FIGN: variants seen among roughly 807,000 people sequenced by gnomAD.
FIGN encodes fidgetin.
A neutral mutation model predicts 51.3 loss-of-function variants in FIGN; 11 were observed. The observed-to-expected ratio is 0.21, with a 90% CI of 0.13 to 0.35. FIGN has a LOEUF of 0.35. FIGN is among the 10% of genes least tolerant of loss of function. The probability of loss-of-function intolerance (pLI) is 1.00; values close to 1 mark genes in which losing one functional copy is unlikely to be tolerated. For missense variants in FIGN, 857 were observed against 943.6 expected (o/e 0.91, Z 1.20); for synonymous variants, 407 against 363.2 (o/e 1.12, Z -1.37).
chr2:163,732,735 C>CT (rs1477723963), intron 2 of FIGN, among the ~76,000 whole-genome samples: 3 of 152,140 alleles, frequency 2.0e-5, no homozygotes, highest in East Asian at 1.9e-4. Context: ...AATATCCTTG[C>CT]TTTTTTTCTG....
At chr2:163,681,062 G>C (rs751830697) in intron 2 of FIGN, among the ~76,000 whole-genome samples, 1 of 152,152 alleles carries the variant, frequency 6.6e-6, no homozygotes, top group Non-Finnish European at 1.5e-5. Context: ...ATGCAGAGAA[G>C]TTAAGTAACT....
intron 2 of FIGN, among the ~76,000 whole-genome samples, chr2:163,669,386 AT>A (rs1476279231): frequency 1.5e-4 from 23 of 152,070 alleles, no homozygotes; most frequent in African/African-American, 5.3e-4. Flanking sequence ...TAATATTTGC[AT>A]TTTGTATTTG....
At chr2:163,629,031 A>C (rs1369135019) in intron 2 of FIGN, among the ~76,000 whole-genome samples, 1 of 152,148 alleles carries the variant, frequency 6.6e-6, no homozygotes, top group African/African-American at 2.4e-5. Flanking sequence ...TGGAAAGATG[A>C]AGAGAAGTCC....
Position 163,610,429 on chromosome 2 carries a change from A to G in FIGN, c.1403T>C (p.Leu468Pro), listed in dbSNP as rs2105298152. ...DEQLKNTDTH[L>P]IDLVTNEIIT... ...AATCTCATTGGTTACCAGGTCGATG[A>G]GGTGCGTGTCAGTATTCTTCAGTTG... The change falls in exon 3 of 3, where the codon CTC becomes CCC. Residue 468 changes from leucine to proline, a missense_variant. Around this residue, in one of 3 missense-constraint regions of FIGN, gnomAD observed 799 missense variants for 849.5 expected, o/e 0.94. Transcript: ENST00000333129. The G allele has an allele frequency of 1.2e-6, 2 of 1,614,040 alleles. No homozygotes were observed. Among genetic ancestry groups the G allele is most frequent in the Non-Finnish European group, 1.7e-6 (2 of 1,180,014 alleles).
chr2:163,622,650 C>T (rs1470044094), intron 2 of FIGN, among the ~76,000 whole-genome samples: 1 of 152,070 alleles, frequency 6.6e-6, no homozygotes, highest in Non-Finnish European at 1.5e-5. Flanking sequence ...CAAACTCCAC[C>T]TCCCAGGCTC....
chr2:163,734,565 A>AAAC (rs983754319), intron 2 of FIGN, among the ~76,000 whole-genome samples: 1 of 150,656 alleles, frequency 6.6e-6, no homozygotes, highest in Non-Finnish European at 1.5e-5. Flanking sequence ...TTCAAAAAAA[A>AAAC]AAAAAAAAAA....
rs555675187 is a variant in FIGN, at chr2:163,624,705, TATA to T, written c.26-12902_26-12900del. ...ATATATACATACATATATATATATA[TATA>T]TTTTTTTTTTTCCTAGACAAGCTGT... On this transcript the variant is annotated intron_variant, in intron 2 of 2. Transcript: ENST00000333129. 2.3e-3 allele frequency among the ~76,000 whole-genome samples: 306 copies of T among 134,130 alleles called. 4 individuals carry two copies. The highest frequency in any genetic ancestry group is 8.4e-3 in the African/African-American group (295 of 35,306). 88.0% of individuals were successfully genotyped at this position (134,130 alleles called of 152,430 possible).
chr2:163,611,029 G>A lies in FIGN; in HGVS notation c.803C>T (p.Pro268Leu), dbSNP rs1446938386. The A allele has an allele frequency of 5.0e-6, 8 of 1,613,734 alleles. No homozygotes were observed. Among genetic ancestry groups the A allele is most frequent in the Admixed American group, 1.7e-5 (1 of 59,996 alleles). Residue 268 changes from proline (P) to leucine (L), a missense_variant, in exon 3 of 3, where the codon CCG becomes CTG. Transcript: ENST00000333129. ...AGGCAGGTACGCTGAAGGCGGAGGC[G>A]GTGCCCCCCCAGGGCTGTACCCAGA... ...VGSGYSPGGA[P>L]PPPSAYLPSG... is the part of the protein sequence containing the mutation.
intron 2 of FIGN, among the ~76,000 whole-genome samples, chr2:163,715,053 C>T (rs1006272189): frequency 6.6e-6 from 1 of 152,196 alleles, no homozygotes; most frequent in Non-Finnish European, 1.5e-5. Context: ...AACACACCCT[C>T]CTTCATCCAT....
At chr2:163,635,175 G>A (rs114901844) in intron 2 of FIGN, among the ~76,000 whole-genome samples, 1,702 of 152,184 alleles carry the variant, frequency 0.011, 23 homozygotes, top group African/African-American at 0.035. Flanking sequence ...TAATAAACAA[G>A]ACATCATTAG....
chr2:163,721,324 C>T (rs957122107), intron 2 of FIGN, among the ~76,000 whole-genome samples: 3 of 152,072 alleles, frequency 2.0e-5, no homozygotes, highest in Non-Finnish European at 2.9e-5. Context: ...CAATTTGTGG[C>T]CTTTACTCTC....
intron 2 of FIGN, among the ~76,000 whole-genome samples, chr2:163,653,007 G>A (rs982288493): frequency 1.5e-4 from 23 of 152,262 alleles, no homozygotes; most frequent in African/African-American, 5.5e-4. Context: ...AAATGATTAA[G>A]AGAGAAGATT....
chr2:163,723,559 C>T (rs142927185), intron 2 of FIGN, among the ~76,000 whole-genome samples: 1 of 152,190 alleles, frequency 6.6e-6, no homozygotes, highest in Non-Finnish European at 1.5e-5. Flanking sequence ...GACCTGGATA[C>T]CAAAGTCCTA....
intron 2 of FIGN, among the ~76,000 whole-genome samples, chr2:163,713,098 G>T (rs1193124960): frequency 6.6e-6 from 1 of 152,148 alleles, no homozygotes; most frequent in Non-Finnish European, 1.5e-5. Flanking sequence ...TATGTAAATA[G>T]GCATCTTATT....
rs1056432151 is a variant in FIGN, at chr2:163,735,910, T to C, written c.-218A>G. The C allele has an allele frequency of 3.9e-5, 6 of 152,700 alleles. No individual in the cohort carries two copies. The highest frequency in any genetic ancestry group is 1.4e-4 in the African/African-American group (6 of 41,470). The allele number at this position is 152,700 out of a possible 1,614,324, so 9.5% of individuals were successfully genotyped here. A position where few individuals can be genotyped will look rare whatever the true frequency, so the allele number is the denominator to read the frequency against. ...GATGTGTTTGCTGATGAATGGAAGC[T>C]AGGGTTAAGTGAAGGTGCCTATGAT... On this transcript the variant is annotated 5_prime_UTR_variant, in exon 1 of 3. Transcript: ENST00000333129.
At chr2:163,674,360 C>A (rs1290072430) in intron 2 of FIGN, among the ~76,000 whole-genome samples, 4 of 152,118 alleles carry the variant, frequency 2.6e-5, no homozygotes, top group African/African-American at 4.8e-5. Context: ...TGAGCTAATG[C>A]CCTATTTCAT....
chr2:163,665,412 T>C (rs1380292289), intron 2 of FIGN, among the ~76,000 whole-genome samples: 1 of 152,250 alleles, frequency 6.6e-6, no homozygotes, highest in East Asian at 1.9e-4. Context: ...ATTATTCCTA[T>C]TTTACTGTTA....
intron 2 of FIGN, among the ~76,000 whole-genome samples, chr2:163,688,034 A>C (rs1684181346): frequency 6.6e-6 from 1 of 152,218 alleles, no homozygotes; most frequent in Admixed American, 6.5e-5. Context: ...ATCTCTAAGG[A>C]TTTATTTTAC....
At position 163,617,371 on chromosome 2, in the gene FIGN, T is replaced by C. The variant is rs73015805; in HGVS notation, c.26-5565A>G. On this transcript the variant is annotated intron_variant, in intron 2 of 2. Transcript: ENST00000333129. The stretch of plus-strand genomic sequence containing the variant: ...CTATGTACAAAGCATTGTGGTTCAA[T>C]GCTAAAAAGGAGGATCCATTTTCTA... The C allele has an allele frequency of 9.4e-3, 2,887 of 306,910 alleles. 19 individuals carry two copies. Among genetic ancestry groups the C allele is most frequent in the Middle Eastern group, 0.079 (49 of 622 alleles). The allele number at this position is 306,910 out of a possible 1,614,324, so 19.0% of individuals were successfully genotyped here.
Sources: gnomAD v4.1 joint callset for allele counts (sites outside exome capture counted in the v4.1 genomes callset) on GRCh38, gnomAD v4.1.1 for gene constraint, gnomAD v4.1.1 regional missense constraint, MANE v1.5 for transcripts, NCBI Gene and HGNC (gene_info 2026-07-23, HGNC 2026-07-21) for gene names.